Variants in ASB9 observed in about 807,000 individuals in gnomAD.
ASB9 encodes ankyrin repeat and SOCS box containing 9, also known as ankyrin repeat and SOCS box protein 9.
ASB9 carries 5 observed loss-of-function variants against 16.6 expected under a neutral mutation model. That is an observed-to-expected ratio of 0.30 (90% CI 0.16 to 0.63). The LOEUF (loss-of-function observed/expected upper bound fraction) is 0.63. Ranked by LOEUF, ASB9 falls within the 30% of genes least tolerant of loss-of-function variation. The pLI is 0.82. For missense variants in ASB9, 216 were observed against 229.4 expected (o/e 0.94, Z 0.38); for synonymous variants, 100 against 86.4 (o/e 1.16, Z -0.87).
rs1383029934 is a variant in ASB9, at chrX:15,258,943, C to A, written c.97G>T (p.Ala33Ser). The change falls in exon 2 of 7, where the codon GCT (alanine) becomes TCT (serine). Residue 33 changes from alanine to serine, a missense_variant and splice_region_variant. Transcript: ENST00000380488. ...TGCATAGGAGACCAATCAGACACAG[C>A]ATCTGTATGGAAAGAGGGGAATGGG... ...RLLSNPLMGD[A>S]VSDWSPMHEA... is the part of the protein sequence containing the mutation. 1 of 1,200,485 alleles carries A rather than the reference C, an allele frequency of 8.3e-7. No homozygotes were observed. The highest frequency in any genetic ancestry group is 1.7e-5 in the African/African-American group (1 of 57,166).
intron 1 of ASB9, among the ~76,000 whole-genome samples, chrX:15,268,367 G>A (rs1926714455): frequency 9.3e-6 from 1 of 107,191 alleles, no homozygotes; most frequent in Non-Finnish European, 1.9e-5. Flanking sequence ...CCTGACTTCA[G>A]GGTCCCTGTT....
chrX:15,263,980 C>T (rs1926183979), intron 1 of ASB9, among the ~76,000 whole-genome samples: 1 of 111,307 alleles, frequency 9.0e-6, no homozygotes, highest in Non-Finnish European at 1.9e-5. Context: ...ATAAATTAGC[C>T]TCCTAGGGAT....
chrX:15,253,270 A>G (rs766765909), intron 3 of ASB9, among the ~76,000 whole-genome samples: 1 of 108,031 alleles, frequency 9.3e-6, no homozygotes, highest in African/African-American at 3.4e-5. Flanking sequence ...TATATAGTCA[A>G]TGGACTGCTG....
chrX:15,252,422 A>G lies in ASB9; in HGVS notation c.283-18T>C. On this transcript the variant is annotated intron_variant, in intron 3 of 6. Coordinates refer to ENST00000380488, the MANE Select transcript of ASB9 (RefSeq NM_001031739.3). ...CCATTCACCTGGTAAAAGAAGCTCC[A>G]GAATGAAGACAGGAAGGGGGATGTT... 8.4e-7 allele frequency: 1 copy of G among 1,186,235 alleles called. No homozygotes were observed. The highest frequency in any genetic ancestry group is 1.1e-6 in the Non-Finnish European group (1 of 881,662).
intron 1 of ASB9, among the ~76,000 whole-genome samples, chrX:15,264,742 G>A (rs929599394): frequency 4.5e-5 from 5 of 112,040 alleles, no homozygotes; most frequent in Non-Finnish European, 9.4e-5. Context: ...GACCTCAGAA[G>A]CATAAACAAA....
chrX:15,268,334 A>AAAAAACAAAAC (rs780309846), intron 1 of ASB9, among the ~76,000 whole-genome samples: 10 of 104,290 alleles, frequency 9.6e-5, no homozygotes, highest in East Asian at 3.2e-4. Flanking sequence ...TCCGTCTCAA[A>AAAAAACAAAAC]AAAACAAAAC....
At chrX:15,267,424 A>ATG (rs1193000623) in intron 1 of ASB9, among the ~76,000 whole-genome samples, 1 of 94,616 alleles carries the variant, frequency 1.1e-5, no homozygotes, top group Non-Finnish European at 2.1e-5. Context: ...AAAAATATAT[A>ATG]TATATATATA....
At chrX:15,252,645 AC>A (rs1017759682) in intron 3 of ASB9, among the ~76,000 whole-genome samples, 1 of 112,037 alleles carries the variant, frequency 8.9e-6, no homozygotes, top group Non-Finnish European at 1.9e-5. Flanking sequence ...AGGAACATGA[AC>A]TTTGAAACTA....
chrX:15,267,417 A>AAAAAAAAATAC (rs780282231), intron 1 of ASB9, among the ~76,000 whole-genome samples: 65 of 77,911 alleles, frequency 8.3e-4, no homozygotes, highest in Non-Finnish European at 1.4e-3. Context: ...CTAAAAAAAA[A>AAAAAAAAATAC]ATATATATAT....
In ASB9 at chrX:15,259,022, G is replaced by C. The variant is rs1028719393; in HGVS notation, c.95-77C>G. ...GAGGCTTATCCTTGCCCATCAATAA[G>C]AGCCTAACAGGCCCTGGATGGAGGG... On this transcript the variant is annotated intron_variant, in intron 1 of 6. Transcript: ENST00000380488. 6.6e-6 allele frequency: 5 copies of C among 756,328 alleles called. No individual in the cohort carries two copies. In the East Asian group the frequency reaches 1.3e-4, roughly 20 times the overall value. The allele number at this position is 756,328 out of a possible 1,213,427, so 62.3% of individuals were successfully genotyped here. A position where few individuals can be genotyped will look rare whatever the true frequency, so the allele number is the denominator to read the frequency against.
chrX:15,263,050 G>A (rs1375924267), intron 1 of ASB9, among the ~76,000 whole-genome samples: 1 of 112,062 alleles, frequency 8.9e-6, no homozygotes, highest in African/African-American at 3.2e-5. Context: ...ACATTAGGGA[G>A]GCTGCCATTT....
At chrX:15,267,541 G>GCA (rs1926609152) in intron 1 of ASB9, among the ~76,000 whole-genome samples, 2 of 46,556 alleles carry the variant, frequency 4.3e-5, no homozygotes, top group African/African-American at 1.5e-4. Flanking sequence ...TCAGGAGATT[G>GCA]AGACCATCCT....
intron 6 of ASB9, 41 bp downstream of exon 6, chrX:15,248,703 G>A: frequency 8.6e-7 from 1 of 1,168,901 alleles, no homozygotes. Flanking sequence ...AGCCCCAAGG[G>A]ATGTCAACAG....
At position 15,261,941 on chromosome X, in the gene ASB9, C is replaced by A. The variant is rs755209332; in HGVS notation, c.95-2996G>T. ...AACTCTGTGCCCATTAGCAGTCACT[C>A]CACAGTTCTACTTCCCTCAGCCCCT... On this transcript the variant is annotated intron_variant, in intron 1 of 6. Transcript: ENST00000380488. Among the ~76,000 whole-genome samples, 6 of 112,263 alleles carry A rather than the reference C, an allele frequency of 5.3e-5. No homozygotes were observed. In the East Asian group the frequency reaches 1.1e-3, roughly 21 times the overall value.
intron 1 of ASB9, among the ~76,000 whole-genome samples, chrX:15,260,830 A>T (rs1925916029): frequency 8.9e-6 from 1 of 112,376 alleles, no homozygotes; most frequent in Non-Finnish European, 1.9e-5. Context: ...TACTTAACAC[A>T]TGAGGCCCGT....
At chrX:15,267,479 T>C (rs77925741) in intron 1 of ASB9, among the ~76,000 whole-genome samples, 1,920 of 66,424 alleles carry the variant, frequency 0.029, 15 homozygotes, top group African/African-American at 0.078. Context: ...GCGTGGTGGC[T>C]CACGCCTGTA....
Position 15,270,046 on chromosome X carries a change from T to A in ASB9, c.-172A>T. 2.6e-6 allele frequency: 1 copy of A among 380,353 alleles called. No homozygotes were observed. Among genetic ancestry groups the A allele is most frequent in the Middle Eastern group, 7.0e-4 (1 of 1,437 alleles). The allele number at this position is 380,353 out of a possible 1,213,427, so 31.3% of individuals were successfully genotyped here. On this transcript the variant is annotated 5_prime_UTR_variant, in exon 1 of 7. Transcript: ENST00000380488. ...CACAGAGCAGGCAGGGTAATCTGAGTGCTACCTGTGATCAGAGAGAGGCAT... is the reference window on the plus strand; with the variant it reads ...CACAGAGCAGGCAGGGTAATCTGAGAGCTACCTGTGATCAGAGAGAGGCAT...
chrX:15,256,887 A>T (rs1414962073), intron 2 of ASB9, among the ~76,000 whole-genome samples: 1 of 110,783 alleles, frequency 9.0e-6, no homozygotes, highest in African/African-American at 3.3e-5. Flanking sequence ...TAAATGTCCA[A>T]TTGGCAGGAG....
chrX:15,264,230 A>C (rs1258729041), intron 1 of ASB9, among the ~76,000 whole-genome samples: 2 of 111,206 alleles, frequency 1.8e-5, no homozygotes, highest in African/African-American at 6.6e-5. Context: ...CTGTTGTCAC[A>C]TAGCATTCTC....
Sources: allele counts gnomAD v4.1 joint callset (sites outside exome capture counted in the v4.1 genomes callset), GRCh38; gene constraint gnomAD v4.1.1; transcripts MANE v1.5; gene names NCBI Gene and HGNC (gene_info 2026-07-23, HGNC 2026-07-21).